Variants in SOX5 observed in about 807,000 individuals in gnomAD.
SOX5 encodes the protein SRY-box transcription factor 5, also known as transcription factor SOX-5.
Under a neutral mutation model 92.0 loss-of-function variants are expected in SOX5, and 9 were observed. The ratio of observed to expected loss-of-function variants is 0.10; its 90% CI spans 0.06 to 0.17. SOX5 has a LOEUF of 0.17. Among genes scored for constraint, SOX5 ranks in the 10% least tolerant of loss-of-function variants. The probability of loss-of-function intolerance (pLI) is 1.00; values close to 1 mark genes in which losing one functional copy is unlikely to be tolerated. For synonymous variants in SOX5, 344 were observed against 336.3 expected (o/e 1.02, Z -0.25); for missense variants, 642 against 944.5 (o/e 0.68, Z 4.20).
chr12:23,589,088 G>A lies in SOX5; in HGVS notation c.1165-13250C>T, dbSNP rs527737607. On this transcript the variant is annotated intron_variant, in intron 9 of 14. Transcript: ENST00000451604. The stretch of plus-strand genomic sequence containing the variant: ...TGATAGGACATATCCCCATCATTAA[G>A]TGATGTGTGACTATGCATACATATA... 3.3e-5 allele frequency among the ~76,000 whole-genome samples: 5 copies of A among 151,958 alleles called. No individual in the cohort carries two copies. In the South Asian group the frequency reaches 6.2e-4, roughly 19 times the overall value.
chr12:24,484,374 A>C (rs1238022437), intron 1 of SOX5, among the ~76,000 whole-genome samples: 1 of 152,224 alleles, frequency 6.6e-6, no homozygotes, highest in East Asian at 1.9e-4. Flanking sequence ...TCACAGAAAT[A>C]AGATGCCTTA....
chr12:23,970,841 A>ATATATATATATATATATATATATATTTTT lies in SOX5; in HGVS notation c.-1-74818_-1-74817insAAAAATATATATATATATATATATATATA. On this transcript the variant is annotated intron_variant, in intron 4 of 4. Transcript: ENST00000446891. ...ACATGGGACTTTATATATATATATA[A>ATATATATATATATATATATATATATTTTT]TTTTTTTTTTTTTTTAAGAAATGGG... 7.8e-4 allele frequency among the ~76,000 whole-genome samples: 17 copies of ATATATATATATATATATATATATATTTTT among 21,868 alleles called. 2 individuals are homozygous for ATATATATATATATATATATATATATTTTT. Among genetic ancestry groups the ATATATATATATATATATATATATATTTTT allele is most frequent in the African/African-American group, 1.5e-3 (12 of 8,030 alleles). The allele number at this position is 21,868 out of a possible 152,430, so 14.3% of individuals were successfully genotyped here.
chr12:23,559,582 C>G (rs903348186), intron 11 of SOX5, among the ~76,000 whole-genome samples: 6 of 152,222 alleles, frequency 3.9e-5, no homozygotes, highest in African/African-American at 1.2e-4. Flanking sequence ...TCATCAGTCC[C>G]TATCTTCACA....
intron 3 of SOX5, among the ~76,000 whole-genome samples, chr12:23,800,741 A>G (rs2095645802): frequency 6.6e-6 from 1 of 152,190 alleles, no homozygotes; most frequent in Non-Finnish European, 1.5e-5. Context: ...CTATGTTTAC[A>G]ATAGTAACAG....
chr12:24,072,240 T>C (rs1276232995), intron 4 of SOX5, among the ~76,000 whole-genome samples: 1 of 152,194 alleles, frequency 6.6e-6, no homozygotes, highest in African/African-American at 2.4e-5. Flanking sequence ...AAAGTTTCTT[T>C]CCTTGAGATG....
rs201104291 is a variant in SOX5 at position 24,213,943 on chromosome 12, GT to G, written c.-76-527del. On this transcript the variant is annotated intron_variant, in intron 3 of 4. Transcript: ENST00000446891. ...CAACCATTTTTTATAGTCCATGATA[GT>G]TTAAAATATATATATATATAATGTA... 7.9e-3 allele frequency among the ~76,000 whole-genome samples: 1,196 copies of G among 151,402 alleles called. 15 individuals are homozygous for G. Among genetic ancestry groups the G allele is most frequent in the African/African-American group, 0.026 (1,084 of 41,350 alleles).
chr12:24,516,177 G>C (rs1233662378), intron 1 of SOX5, among the ~76,000 whole-genome samples: 1 of 151,800 alleles, frequency 6.6e-6, no homozygotes, highest in Admixed American at 6.6e-5. Flanking sequence ...CGGGTACTTA[G>C]GACTACAAGC....
At chr12:24,343,783 TG>T (rs1352511059) in intron 2 of SOX5, among the ~76,000 whole-genome samples, 2 of 152,024 alleles carry the variant, frequency 1.3e-5, no homozygotes, top group African/African-American at 2.4e-5. Context: ...GGCTGATTTG[TG>T]GGGAAGGACC....
At chr12:23,895,512 ACTTT>A (rs373486327) in intron 2 of SOX5, among the ~76,000 whole-genome samples, 157 of 152,322 alleles carry the variant, frequency 1.0e-3, no homozygotes, top group South Asian at 5.6e-3. Flanking sequence ...TAAATATCTT[ACTTT>A]AACATTATTT....
intron 1 of SOX5, among the ~76,000 whole-genome samples, chr12:24,550,058 G>C (rs1233935433): frequency 6.6e-6 from 1 of 152,184 alleles, no homozygotes; most frequent in African/African-American, 2.4e-5. Context: ...TCCACTCTGG[G>C]TTCAAGTTTC....
intron 4 of SOX5, among the ~76,000 whole-genome samples, chr12:24,054,254 C>T (rs1957879591): frequency 6.6e-6 from 1 of 152,164 alleles, no homozygotes; most frequent in African/African-American, 2.4e-5. Flanking sequence ...TATGTCCCTT[C>T]TCCTCCCTCC....
intron 4 of SOX5, among the ~76,000 whole-genome samples, chr12:24,123,845 T>A (rs1948853813): frequency 6.6e-6 from 1 of 152,156 alleles, no homozygotes; most frequent in African/African-American, 2.4e-5. Flanking sequence ...TCAAACATCC[T>A]CCCTGTATTG....
chr12:24,178,661 A>AT (rs1361154901), intron 4 of SOX5, among the ~76,000 whole-genome samples: 1 of 152,234 alleles, frequency 6.6e-6, no homozygotes, highest in South Asian at 2.1e-4. Flanking sequence ...AGTATTTTAG[A>AT]TAAAAAAAAA....
intron 4 of SOX5, among the ~76,000 whole-genome samples, chr12:24,006,338 G>A (rs1316414133): frequency 6.6e-6 from 1 of 152,170 alleles, no homozygotes; most frequent in Non-Finnish European, 1.5e-5. Flanking sequence ...GGGAATATTA[G>A]TGGCAAAATG....
At chr12:24,452,857 T>C (rs1299977337) in intron 1 of SOX5, among the ~76,000 whole-genome samples, 1 of 152,218 alleles carries the variant, frequency 6.6e-6, no homozygotes. Context: ...AATGTTAGAA[T>C]TGAGCATATT....
chr12:24,386,030 C>G (rs1958378442), intron 1 of SOX5, among the ~76,000 whole-genome samples: 2 of 151,336 alleles, frequency 1.3e-5, no homozygotes, highest in Non-Finnish European at 2.9e-5. Context: ...TAACCTCTCA[C>G]TTAACATTTT....
At chr12:23,556,008 G>A (rs892324960) in intron 11 of SOX5, among the ~76,000 whole-genome samples, 1 of 152,156 alleles carries the variant, frequency 6.6e-6, no homozygotes, top group African/African-American at 2.4e-5. Flanking sequence ...CTGACATACA[G>A]AGTGATGGAT....
chr12:24,347,217 T>G (rs1426607053), intron 2 of SOX5, among the ~76,000 whole-genome samples: 1 of 152,188 alleles, frequency 6.6e-6, no homozygotes, highest in Non-Finnish European at 1.5e-5. Flanking sequence ...GTGAATGAAG[T>G]GATGTACAGG....
intron 1 of SOX5, among the ~76,000 whole-genome samples, chr12:24,529,524 T>C (rs1356864955): frequency 6.6e-6 from 1 of 152,158 alleles, no homozygotes; most frequent in Non-Finnish European, 1.5e-5. Context: ...TGTATTTACA[T>C]TACTCAAGAA....
Sources: gnomAD v4.1 joint callset for allele counts (sites outside exome capture counted in the v4.1 genomes callset) on GRCh38, gnomAD v4.1.1 for gene constraint, MANE v1.5 for transcripts, NCBI Gene and HGNC (gene_info 2026-07-23, HGNC 2026-07-21) for gene names.